The following C2CD3 variants were observed in gnomAD, a reference collection of about 807,000 sequenced individuals.
C2CD3 encodes C2 domain containing 3 centriole elongation regulator, also known as C2 domain-containing protein 3.
In C2CD3, 148 loss-of-function variants were observed where a neutral mutation model predicts 234.0. That is an observed-to-expected ratio of 0.63 (90% confidence interval 0.55 to 0.72). The LOEUF (loss-of-function observed/expected upper bound fraction) is 0.72. Among genes scored for constraint, C2CD3 ranks in the 30% least tolerant of loss-of-function variants. The pLI is 0.00. For missense variants in C2CD3, 2,577 were observed against 2,811.5 expected, an observed-to-expected ratio of 0.92 and a Z score of 1.89; for synonymous variants, 1,000 against 1,035.4, an observed-to-expected ratio of 0.97 and a Z score of 0.66.
intron 27 of C2CD3, 73 bp from the exon 28 acceptor site, chr11:74,048,411 G>T: frequency 6.7e-7 from 1 of 1,488,792 alleles, no homozygotes; most frequent in Non-Finnish European, 9.2e-7. Flanking sequence ...ATATAAATAA[G>T]TTTGTAAAAT....
intron 32 of C2CD3, among the ~76,000 whole-genome samples, chr11:74,019,581 CTACTG>C (rs1181694340): frequency 6.6e-6 from 1 of 152,204 alleles, no homozygotes; most frequent in Non-Finnish European, 1.5e-5. Flanking sequence ...CTCAGGCCCC[CTACTG>C]ATCTGATCTG....
intron 31 of C2CD3, among the ~76,000 whole-genome samples, chr11:74,028,614 C>T (rs1459041814): frequency 6.6e-6 from 1 of 152,222 alleles, no homozygotes; most frequent in Non-Finnish European, 1.5e-5. Flanking sequence ...AATCCGGCCT[C>T]CTCTAGGAAG....
At chr11:74,155,413 G>A (rs1473282038) in intron 3 of C2CD3, among the ~76,000 whole-genome samples, 16 of 152,150 alleles carry the variant, frequency 1.1e-4, no homozygotes, top group Admixed American at 1.0e-3. Flanking sequence ...ATATACCCAA[G>A]AGAACGGAAA....
intron 26 of C2CD3, among the ~76,000 whole-genome samples, chr11:74,053,101 G>T (rs760276989): frequency 2.6e-5 from 4 of 152,170 alleles, no homozygotes; most frequent in African/African-American, 4.8e-5. Flanking sequence ...AACAGTGAAG[G>T]CTGTACAGCC....
intron 21 of C2CD3, 107 bp downstream of exon 21, chr11:74,085,511 T>C (rs974322281): frequency 3.6e-6 from 4 of 1,126,226 alleles, no homozygotes; most frequent in Admixed American, 2.3e-5. Flanking sequence ...GCAGAGATTA[T>C]GACTCCTCAC....
At chr11:74,073,833 T>C (rs2135459760) in intron 24 of C2CD3, among the ~76,000 whole-genome samples, 1 of 152,312 alleles carries the variant, frequency 6.6e-6, no homozygotes, top group Middle Eastern at 3.4e-3. Flanking sequence ...TGTAATTATT[T>C]TCCTATCCAA....
chr11:74,035,419 G>A (rs1162338977), intron 30 of C2CD3, among the ~76,000 whole-genome samples: 1 of 152,162 alleles, frequency 6.6e-6, no homozygotes, highest in African/African-American at 2.4e-5. Flanking sequence ...CCAGATTCAC[G>A]AGTTAAATAA....
rs1206704703 is a variant in C2CD3 at position 74,033,845 on chromosome 11, C to T, written c.6315G>A (p.Val2105=). 2.0e-6 allele frequency: 3 copies of T among 1,536,194 alleles called. No individual in the cohort carries two copies. The highest frequency in any genetic ancestry group is 2.6e-6 in the Non-Finnish European group (3 of 1,146,910). The part of the protein sequence containing the change: ...SEVISPQPDE[V]QREGPSCPSP... ...AAGGACAAGAGGGGCCTTCCCTCTG[C>T]ACCTCGTCAGGCTGAGGGCTGATGA... The change falls in exon 31 of 33, where the codon GTG becomes GTA. Residue 2105 remains valine, a synonymous_variant. Coordinates refer to ENST00000334126, the MANE Select transcript of C2CD3 (RefSeq NM_001286577.2).
At chr11:74,017,699 T>C (rs1324891270) in intron 32 of C2CD3, among the ~76,000 whole-genome samples, 1 of 152,204 alleles carries the variant, frequency 6.6e-6, no homozygotes, top group African/African-American at 2.4e-5. Flanking sequence ...GAGCAGATAA[T>C]GCAAGAGGAG....
chr11:74,118,197 T>C, intron 9 of C2CD3, 31 bp downstream of exon 9: 1 of 1,588,074 alleles, frequency 6.3e-7, no homozygotes. Flanking sequence ...CCTTTGTGTT[T>C]ACCTTTAAAT....
chr11:74,123,291 C>G (rs932288732), intron 7 of C2CD3, among the ~76,000 whole-genome samples, 156 bp from the exon 8 acceptor site: 1 of 152,104 alleles, frequency 6.6e-6, no homozygotes, highest in African/African-American at 2.4e-5. Flanking sequence ...AAATATTTCC[C>G]AATTATACTA....
chr11:74,063,334 A>G (rs1954340964), intron 24 of C2CD3, among the ~76,000 whole-genome samples: 1 of 152,236 alleles, frequency 6.6e-6, no homozygotes, highest in African/African-American at 2.4e-5. Flanking sequence ...GAAAAAGAGA[A>G]TTTTAGACCA....
chr11:74,060,549 T>C (rs769093179), intron 24 of C2CD3, among the ~76,000 whole-genome samples: 29 of 152,194 alleles, frequency 1.9e-4, no homozygotes, highest in Non-Finnish European at 4.0e-4. Flanking sequence ...GACCTGCAGC[T>C]GAGGGTCCTG....
At chr11:74,093,242 C>G (rs1463168523) in intron 18 of C2CD3, among the ~76,000 whole-genome samples, 4 of 150,520 alleles carry the variant, frequency 2.7e-5, no homozygotes, top group African/African-American at 4.9e-5. Flanking sequence ...GGTTGAACAT[C>G]CGTATTTATG....
intron 26 of C2CD3, among the ~76,000 whole-genome samples, chr11:74,054,233 C>G (rs1377760189): frequency 5.4e-5 from 8 of 148,776 alleles, no homozygotes; most frequent in Non-Finnish European, 1.0e-4. Flanking sequence ...GATCGTGCCA[C>G]TGCCCTCCAG....
chr11:74,150,511 AAAAAC>A (rs1855544555), intron 3 of C2CD3, among the ~76,000 whole-genome samples: 5 of 74,844 alleles, frequency 6.7e-5, no homozygotes, highest in East Asian at 3.8e-4. Flanking sequence ...AAAAAAAAAA[AAAAAC>A]AAAAAAAAAA....
chr11:74,027,638 T>C (rs745390156), intron 32 of C2CD3, among the ~76,000 whole-genome samples: 1 of 152,206 alleles, frequency 6.6e-6, no homozygotes, highest in Non-Finnish European at 1.5e-5. Context: ...TTGTGCTCCA[T>C]GAAGATAGGG....
chr11:74,077,273 A>T (rs1955077197), intron 23 of C2CD3, among the ~76,000 whole-genome samples: 1 of 151,966 alleles, frequency 6.6e-6, no homozygotes, highest in Admixed American at 6.6e-5. Context: ...AAATTCATTC[A>T]TTATTTCATA....
At chr11:74,163,329 T>C (rs1254522702) in intron 2 of C2CD3, among the ~76,000 whole-genome samples, 3 of 152,200 alleles carry the variant, frequency 2.0e-5, no homozygotes, top group Non-Finnish European at 1.5e-5. Context: ...TCTTCCCACA[T>C]GGTAGTTGCT....
Sources: allele counts gnomAD v4.1 joint callset (sites outside exome capture counted in the v4.1 genomes callset), GRCh38; gene constraint gnomAD v4.1.1; transcripts MANE v1.5; gene names NCBI Gene and HGNC (gene_info 2026-07-23, HGNC 2026-07-21).